Variants in PSMG3 observed in about 807,000 individuals in gnomAD.
PSMG3 encodes the protein PAC-3.
Under a neutral mutation model 7.9 loss-of-function variants are expected in PSMG3, and 4 were observed. The ratio of observed to expected loss-of-function variants is 0.51; its 90% confidence interval spans 0.25 to 1.16. PSMG3 has a LOEUF of 1.16. Ranked by LOEUF, PSMG3 falls within the 50% of genes most tolerant of loss-of-function variation. PSMG3 has a pLI of 0.15. For synonymous variants in PSMG3, 81 were observed against 69.8 expected (o/e 1.16, Z -0.80); for missense variants, 151 against 157.4 (o/e 0.96, Z 0.22).
chr7:1,569,597 A>C lies in PSMG3; in HGVS notation c.-258T>G. The C allele has an allele frequency of 4.0e-6, 1 of 248,560 alleles. No homozygotes were observed. The allele number at this position is 248,560 out of a possible 1,614,324, so 15.4% of individuals were successfully genotyped here. On this transcript the variant is annotated 5_prime_UTR_variant, in exon 1 of 2. It removes an upstream start codon present in the reference 5' UTR. Coordinates refer to ENST00000288607, the MANE Select transcript of PSMG3 (RefSeq NM_032302.4). ...GCCTGGCCAACATAGCGAGACCCCC[A>C]TCTCTACCAAAAAAAAAAAAAAAAA...
In PSMG3 at chr7:1,567,731, C is replaced by T; in HGVS notation, c.336G>A (p.Leu112=). The T allele has an allele frequency of 1.9e-6, 3 of 1,614,180 alleles. No individual in the cohort carries two copies. Among genetic ancestry groups the T allele is most frequent in the Non-Finnish European group, 2.5e-6 (3 of 1,180,028 alleles). ...KDKSMEGLKA[L]REVIRVCQVW ...CCTGGCACACCCGGATCACCTCCCT[C>T]AGCGCCTTCAGCCCCTCCATGCTTT... is the stretch of plus-strand genomic sequence containing the variant. The change falls in exon 2 of 2, where the codon CTG becomes CTA. Residue 112 remains leucine, a synonymous_variant. Coordinates refer to ENST00000288607, the MANE Select transcript of PSMG3 (RefSeq NM_032302.4).
chr7:1,568,544 C>G (rs1010739248), intron 1 of PSMG3, among the ~76,000 whole-genome samples: 3 of 151,974 alleles, frequency 2.0e-5, no homozygotes, highest in African/African-American at 7.3e-5. Flanking sequence ...TGGCTCACTG[C>G]AGCCTCAACC....
rs201862157 is a variant in PSMG3, at chr7:1,569,383, A to C, written c.-44T>G. On this transcript the variant is annotated 5_prime_UTR_variant, in exon 1 of 2. Transcript: ENST00000288607. The stretch of plus-strand genomic sequence containing the variant: ...CAGCTTTAATTTAGGTTAAAAAGAA[A>C]GGGGAAAAAAAGGAGTCAATCAAAC... 479 of 1,494,376 alleles carry C rather than the reference A, an allele frequency of 3.2e-4. 2 individuals carry two copies. In the African/African-American group the frequency reaches 5.8e-3, roughly 18 times the overall value. The allele number at this position is 1,494,376 out of a possible 1,614,324, so 92.6% of individuals were successfully genotyped here. A position where few individuals can be genotyped will look rare whatever the true frequency, so the allele number is the denominator to read the frequency against.
chr7:1,567,884 G>T (rs758621154), intron 1 of PSMG3, 34 bp from the exon 2 acceptor site: 3 of 1,600,530 alleles, frequency 1.9e-6, no homozygotes, highest in South Asian at 2.2e-5. Flanking sequence ...CATTTTAACT[G>T]CAAGAAACCT....
intron 1 of PSMG3, 33 bp downstream of exon 1, chr7:1,569,091 C>A (rs1211341761): frequency 1.3e-6 from 2 of 1,592,930 alleles, no homozygotes; most frequent in East Asian, 2.2e-5. Flanking sequence ...GGGTTACAGG[C>A]GTGAGCCACA....
Position 1,567,742 on chromosome 7 carries a change from G to A in PSMG3, c.325C>T (p.Leu109=). ...VAVKDKSMEG[L]KALREVIRVC... is the part of the protein sequence containing the mutation. The stretch of plus-strand genomic sequence containing the variant: ...CGGATCACCTCCCTCAGCGCCTTCA[G>A]CCCCTCCATGCTTTTGTCCTTCACG... Residue 109 remains leucine, a synonymous_variant, in exon 2 of 2, where the codon CTG becomes TTG. Coordinates refer to ENST00000288607, the MANE Select transcript of PSMG3 (RefSeq NM_032302.4). The A allele has an allele frequency of 1.2e-6, 2 of 1,614,044 alleles. No homozygotes were observed. Among genetic ancestry groups the A allele is most frequent in the South Asian group, 1.1e-5 (1 of 91,082 alleles).
chr7:1,569,446 C>T lies in PSMG3; in HGVS notation c.-107G>A. 1 of 938,322 alleles carries T rather than the reference C, an allele frequency of 1.1e-6. No homozygotes were observed. The highest frequency in any genetic ancestry group is 2.7e-5 in the East Asian group (1 of 37,466). 58.1% of individuals were successfully genotyped at this position (938,322 alleles called of 1,614,324 possible). ...GGGCTCCCAAAAAAGTAGCACGGGG[C>T]ATTGAAACGGAAACGCAAGGAGGCC... On this transcript the variant is annotated 5_prime_UTR_variant, in exon 1 of 2. It removes an upstream start codon present in the reference 5' UTR. Coordinates refer to ENST00000288607, the MANE Select transcript of PSMG3 (RefSeq NM_032302.4).
intron 1 of PSMG3, among the ~76,000 whole-genome samples, chr7:1,568,194 G>A (rs577848130): frequency 3.3e-5 from 5 of 152,180 alleles, no homozygotes; most frequent in African/African-American, 1.2e-4. Context: ...ACAGCCAGCC[G>A]CCTGCTCACG....
intron 1 of PSMG3, among the ~76,000 whole-genome samples, chr7:1,568,453 TTTA>T (rs56016686): frequency 0.01 from 1,504 of 147,920 alleles, 16 homozygotes; most frequent in African/African-American, 0.028. Context: ...TCCTGACCAC[TTTA>T]TTATTATTAT....
intron 1 of PSMG3, 33 bp downstream of exon 1, chr7:1,569,091 C>G (rs1211341761): frequency 1.3e-6 from 2 of 1,592,814 alleles, no homozygotes; most frequent in African/African-American, 2.7e-5. Context: ...GGGTTACAGG[C>G]GTGAGCCACA....
At position 1,569,978 on chromosome 7, in the gene PSMG3, C is replaced by G. The variant is rs538605376; in HGVS notation, c.-639G>C. The G allele has an allele frequency of 6.6e-6, 1 of 151,894 alleles. No homozygotes were observed. The highest frequency in any genetic ancestry group is 1.5e-5 in the Non-Finnish European group (1 of 67,968). 9.4% of individuals were successfully genotyped at this position (151,894 alleles called of 1,614,324 possible). ...GGCCGGGCTACTGGGGACGCAGCCG[C>G]CCGGGGAAGCCCGCGGGTACCCGCG... On this transcript the variant is annotated 5_prime_UTR_variant, in exon 1 of 2. Coordinates refer to ENST00000288607, the MANE Select transcript of PSMG3 (RefSeq NM_032302.4).
chr7:1,567,892 C>A (rs751652578), intron 1 of PSMG3, 42 bp from the exon 2 acceptor site: 2 of 1,597,474 alleles, frequency 1.3e-6, no homozygotes, highest in African/African-American at 2.7e-5. Flanking sequence ...CTGCAAGAAA[C>A]CTGGTTTTTT....
Position 1,567,734 on chromosome 7 carries a change from C to G in PSMG3, c.333G>C (p.Ala111=). 6.2e-7 allele frequency: 1 copy of G among 1,614,148 alleles called. No individual in the cohort carries two copies. Among genetic ancestry groups the G allele is most frequent in the Non-Finnish European group, 8.5e-7 (1 of 1,180,014 alleles). The change falls in exon 2 of 2, where the codon GCG becomes GCC. Residue 111 remains alanine (A), a synonymous_variant. Transcript: ENST00000288607. ...VKDKSMEGLK[A]LREVIRVCQV... ...GGCACACCCGGATCACCTCCCTCAG[C>G]GCCTTCAGCCCCTCCATGCTTTTGT...
chr7:1,567,983 A>G, intron 1 of PSMG3, 133 bp from the exon 2 acceptor site: 1 of 759,100 alleles, frequency 1.3e-6, no homozygotes, highest in Non-Finnish European at 2.1e-6. Flanking sequence ...AAGTCCATGC[A>G]ACTGTGACTC....
chr7:1,567,915 C>A, intron 1 of PSMG3, 65 bp from the exon 2 acceptor site: 1 of 1,537,956 alleles, frequency 6.5e-7, no homozygotes, highest in Non-Finnish European at 8.9e-7. Context: ...TCAATGCTTT[C>A]ATGAAGTATC....
Position 1,569,289 on chromosome 7 carries a change from G to A in PSMG3, c.51C>T (p.Cys17=), listed in dbSNP as rs374957691. 35 of 1,612,680 alleles carry A rather than the reference G, an allele frequency of 2.2e-5. No individual in the cohort carries two copies. The African/African-American group carries it at 3.1e-4, about 14-fold the overall frequency. The change falls in exon 1 of 2, where the codon TGC becomes TGT. Residue 17 remains cysteine (C), a synonymous_variant. Coordinates refer to ENST00000288607, the MANE Select transcript of PSMG3 (RefSeq NM_032302.4). Reference sequence around the variant, plus strand: ...TACACACCACCTGGGTGGGGACCCCGCACACCACCTCCGTCTTCTGCTTCG... The same window carrying A: ...TACACACCACCTGGGTGGGGACCCCACACACCACCTCCGTCTTCTGCTTCG... ...VISKQKTEVV[C]GVPTQVVCTA...
Position 1,569,343 on chromosome 7 carries a change from G to A in PSMG3, c.-4C>T, listed in dbSNP as rs561196371. ...TCACCAACGGCGTGTCTTCCATGGC[G>A]GGGCTCTGCAGTGGCAGCTTTAATT... On this transcript the variant is annotated 5_prime_UTR_variant, in exon 1 of 2. Transcript: ENST00000288607. 14 of 1,598,400 alleles carry A rather than the reference G, an allele frequency of 8.8e-6. No individual in the cohort carries two copies. Among genetic ancestry groups the A allele is most frequent in the African/African-American group, 2.7e-5 (2 of 74,610 alleles).
chr7:1,569,435 G>C lies in PSMG3; in HGVS notation c.-96C>G, dbSNP rs1213497298. 2 of 1,018,178 alleles carry C rather than the reference G, an allele frequency of 2.0e-6. No individual in the cohort carries two copies. The highest frequency in any genetic ancestry group is 2.8e-6 in the Non-Finnish European group (2 of 713,848). 63.1% of individuals were successfully genotyped at this position (1,018,178 alleles called of 1,614,324 possible). On this transcript the variant is annotated 5_prime_UTR_variant, in exon 1 of 2. An upstream open reading frame in the 5' UTR gains an earlier in-frame stop. Coordinates refer to ENST00000288607, the MANE Select transcript of PSMG3 (RefSeq NM_032302.4). ...GTACAGCCTTGGGGCTCCCAAAAAA[G>C]TAGCACGGGGCATTGAAACGGAAAC...
At position 1,567,596 on chromosome 7, in the gene PSMG3, A is replaced by T; in HGVS notation, c.*102T>A. ...TCCTGGCTCCAAGGGCTAGTGCCAA[A>T]GTTCCTCCCTCCACCGGGGAGGGAG... On this transcript the variant is annotated 3_prime_UTR_variant, in exon 2 of 2. Transcript: ENST00000288607. The T allele has an allele frequency of 8.2e-7, 1 of 1,218,142 alleles. No individual in the cohort carries two copies. Among genetic ancestry groups the T allele is most frequent in the South Asian group, 1.5e-5 (1 of 67,244 alleles). The allele number at this position is 1,218,142 out of a possible 1,614,324, so 75.5% of individuals were successfully genotyped here.
Sources: allele counts gnomAD v4.1 joint callset (sites outside exome capture counted in the v4.1 genomes callset), GRCh38; gene constraint gnomAD v4.1.1; transcripts MANE v1.5; gene names NCBI Gene and HGNC (gene_info 2026-07-23, HGNC 2026-07-21).